SGCD: variants seen among roughly 807,000 people sequenced by gnomAD.
SGCD encodes delta-sarcoglycan.
In SGCD, 18 loss-of-function variants were observed where a neutral mutation model predicts 36.6. The observed-to-expected ratio is 0.49, with a 90% confidence interval of 0.34 to 0.73. SGCD has a LOEUF of 0.73. Ranked by LOEUF, SGCD falls within the 30% of genes least tolerant of loss-of-function variation. The probability of loss-of-function intolerance (pLI) is 0.01; values close to 1 mark genes in which losing one functional copy is unlikely to be tolerated. For synonymous variants in SGCD, 133 were observed against 130.6 expected, an observed-to-expected ratio of 1.02 and a Z score of -0.12; for missense variants, 387 against 346.7, an observed-to-expected ratio of 1.12 and a Z score of -0.92.
chr5:156,044,844 G>GCA (rs141981583), intron 1 of SGCD, among the ~76,000 whole-genome samples: 8 of 151,716 alleles, frequency 5.3e-5, no homozygotes, highest in East Asian at 1.9e-4. Context: ...CTTTCCAGGT[G>GCA]CACACACACA....
chr5:156,189,131 T>C (rs1377370080), intron 3 of SGCD, among the ~76,000 whole-genome samples: 1 of 152,214 alleles, frequency 6.6e-6, no homozygotes, highest in Non-Finnish European at 1.5e-5. Context: ...AAGAGGGTTA[T>C]AATTTCCTTC....
At chr5:156,237,394 G>T (rs1765193045) in intron 3 of SGCD, among the ~76,000 whole-genome samples, 2 of 152,024 alleles carry the variant, frequency 1.3e-5, no homozygotes, top group South Asian at 4.2e-4. Context: ...GGAGGCCGAG[G>T]CAGGCAAATC....
chr5:156,688,449 G>A (rs1401150973), intron 7 of SGCD, among the ~76,000 whole-genome samples: 1 of 152,030 alleles, frequency 6.6e-6, no homozygotes, highest in Non-Finnish European at 1.5e-5. Context: ...CTTACTTAAG[G>A]GTCTTTGATA....
intron 6 of SGCD, among the ~76,000 whole-genome samples, chr5:156,605,530 G>T (rs2113433036): frequency 6.6e-6 from 1 of 152,306 alleles, no homozygotes; most frequent in Admixed American, 6.5e-5. Context: ...TGTCTTTATA[G>T]CAGCATGTTT....
At chr5:155,905,881 A>C (rs561326579) in intron 1 of SGCD, among the ~76,000 whole-genome samples, 1 of 152,096 alleles carries the variant, frequency 6.6e-6, no homozygotes, top group African/African-American at 2.4e-5. Context: ...GGAACTGTAA[A>C]TCCAATGAAA....
At chr5:155,895,623 T>A (rs2113326365) in intron 1 of SGCD, among the ~76,000 whole-genome samples, 1 of 152,244 alleles carries the variant, frequency 6.6e-6, no homozygotes, top group African/African-American at 2.4e-5. Context: ...ATTTCTGCCT[T>A]TCATGCTGTG....
chr5:156,224,553 G>A lies in SGCD; in HGVS notation c.-44+100534G>A, dbSNP rs139295292. Among the ~76,000 whole-genome samples the A allele has an allele frequency of 3.1e-3, 471 of 152,222 alleles. 10 individuals are homozygous for A. In the South Asian group the frequency reaches 0.038, roughly 12 times the overall value. ...TTTGTACCAATTGGCTGCATTTTAA[G>A]TTTACGAAATGGCAGTTTTATAAGA... On this transcript the variant is annotated intron_variant, in intron 3 of 9. Coordinates refer to the SGCD transcript ENST00000517913.
rs1757496405 is a variant in SGCD at position 156,761,360 on chromosome 5, G to C, written c.*1970G>C. 6.6e-6 allele frequency: 1 copy of C among 152,170 alleles called. No homozygotes were observed. The highest frequency in any genetic ancestry group is 1.5e-5 in the Non-Finnish European group (1 of 68,070). 9.4% of individuals were successfully genotyped at this position (152,170 alleles called of 1,614,324 possible). On this transcript the variant is annotated 3_prime_UTR_variant, in exon 9 of 9. Transcript: ENST00000337851. Reference sequence around the variant, plus strand: ...TATCTCATGCAGAAGAGTTGGGCTGGTCACTCTTAGGGGTGAGACCCCGTG... The same window carrying C: ...TATCTCATGCAGAAGAGTTGGGCTGCTCACTCTTAGGGGTGAGACCCCGTG...
At chr5:156,617,604 G>A (rs1325459607) in intron 6 of SGCD, among the ~76,000 whole-genome samples, 1 of 152,178 alleles carries the variant, frequency 6.6e-6, no homozygotes, top group Non-Finnish European at 1.5e-5. Flanking sequence ...GAGAAGCCAG[G>A]CAAAAAGCCC....
At chr5:156,627,428 C>T (rs1762477865) in intron 6 of SGCD, among the ~76,000 whole-genome samples, 1 of 152,130 alleles carries the variant, frequency 6.6e-6, no homozygotes, top group African/African-American at 2.4e-5. Flanking sequence ...CTAGCTTACT[C>T]TTCTGATTTT....
chr5:156,219,566 G>A (rs1764667286), intron 3 of SGCD, among the ~76,000 whole-genome samples: 1 of 152,172 alleles, frequency 6.6e-6, no homozygotes, highest in South Asian at 2.1e-4. Flanking sequence ...ATCACCAAGT[G>A]TGTTAAAATG....
At chr5:155,892,175 CGGCCAGGCACAGT>C (rs1179248107) in intron 1 of SGCD, among the ~76,000 whole-genome samples, 4 of 151,878 alleles carry the variant, frequency 2.6e-5, no homozygotes, top group African/African-American at 9.7e-5. Flanking sequence ...AAGAATGAAG[CGGCCAGGCACAGT>C]GGCTCACGCC....
chr5:156,640,632 A>T (rs1762993214), intron 6 of SGCD, among the ~76,000 whole-genome samples: 1 of 152,178 alleles, frequency 6.6e-6, no homozygotes, highest in Admixed American at 6.6e-5. Flanking sequence ...GTGCATTTTT[A>T]AATTTTTTTC....
At position 156,209,533 on chromosome 5, in the gene SGCD, G is replaced by A. The variant is rs138376063; in HGVS notation, c.-44+85514G>A. The stretch of plus-strand genomic sequence containing the variant: ...GCCCAGCGCTAAGCCCATTCATGTG[G>A]CACAACATTCCAGCTGACACAGGCT... On this transcript the variant is annotated intron_variant, in intron 3 of 9. Transcript: ENST00000517913. Among the ~76,000 whole-genome samples the A allele has an allele frequency of 1.8e-3, 267 of 152,284 alleles. 2 individuals are homozygous for A. The highest frequency in any genetic ancestry group is 6.1e-3 in the African/African-American group (254 of 41,554).
the SGCD span, among the ~76,000 whole-genome samples, chr5:155,863,309 T>G: frequency 6.6e-6 from 1 of 152,128 alleles, no homozygotes; most frequent in African/African-American, 2.4e-5. Flanking sequence ...AATGTGTTCT[T>G]GAAATTGAAT....
At chr5:155,868,671 A>G (rs111542887), upstream of SGCD, among the ~76,000 whole-genome samples, 705 of 152,280 alleles carry the variant, frequency 4.6e-3, 2 homozygotes, top group Non-Finnish European at 6.4e-3. Flanking sequence ...AAAGAAAAAA[A>G]CAAAAATGGC....
chr5:156,615,849 T>G (rs1389570733), intron 6 of SGCD, among the ~76,000 whole-genome samples: 1 of 152,104 alleles, frequency 6.6e-6, no homozygotes, highest in East Asian at 1.9e-4. Context: ...GAGAGAGAGT[T>G]TAGAAATCTT....
intron 3 of SGCD, among the ~76,000 whole-genome samples, chr5:156,436,061 T>C (rs1161700274): frequency 6.6e-6 from 1 of 152,180 alleles, no homozygotes; most frequent in African/African-American, 2.4e-5. Context: ...CTTATCAGGG[T>C]AGCTATCACT....
At chr5:156,221,569 A>C (rs1261017710) in intron 3 of SGCD, among the ~76,000 whole-genome samples, 1 of 151,918 alleles carries the variant, frequency 6.6e-6, no homozygotes. Flanking sequence ...TTAAAAAAAA[A>C]ACAAAAAACA....
Sources: gnomAD v4.1 joint callset for allele counts (sites outside exome capture counted in the v4.1 genomes callset) on GRCh38, gnomAD v4.1.1 for gene constraint, MANE v1.5 for transcripts, NCBI Gene and HGNC (gene_info 2026-07-23, HGNC 2026-07-21) for gene names.